The following EYS variants were observed in gnomAD, a reference collection of about 807,000 sequenced individuals.
EYS encodes the protein EGF-like photoreceptor maintenance factor, also known as protein eyes shut homolog.
Under a neutral mutation model 282.1 loss-of-function variants are expected in EYS, and 250 were observed. The ratio of observed to expected loss-of-function variants is 0.89; its 90% CI spans 0.80 to 0.98. The LOEUF is 0.98. EYS is among the 50% of genes least tolerant of loss of function. EYS has a pLI of 0.00. For synonymous variants in EYS, 1,355 were observed against 1,282.9 expected (o/e 1.06, Z -1.20); for missense variants, 4,016 against 3,709.0 (o/e 1.08, Z -2.15).
At chr6:65,022,308 A>G (rs1772273410) in intron 13 of EYS, among the ~76,000 whole-genome samples, 1 of 152,222 alleles carries the variant, frequency 6.6e-6, no homozygotes, top group Non-Finnish European at 1.5e-5. Flanking sequence ...AAAGAGGCAT[A>G]TTATGCCAGT....
intron 15 of EYS, among the ~76,000 whole-genome samples, chr6:64,942,195 T>C (rs1454003227): frequency 2.0e-5 from 3 of 151,218 alleles, no homozygotes; most frequent in Non-Finnish European, 4.4e-5. Context: ...TTGATTTGGA[T>C]TTCTCTGATT....
intron 30 of EYS, among the ~76,000 whole-genome samples, chr6:64,276,698 GGTCCTGAAATACTGAA>G (rs1433624796): frequency 6.6e-6 from 1 of 152,064 alleles, no homozygotes; most frequent in African/African-American, 2.4e-5. Flanking sequence ...CAGTATTCAA[GGTCCTGAAATACTGAA>G]ATAAAATTGG....
At chr6:64,320,979 A>C (rs1397985443) in intron 29 of EYS, among the ~76,000 whole-genome samples, 1 of 151,828 alleles carries the variant, frequency 6.6e-6, no homozygotes, top group African/African-American at 2.4e-5. Context: ...AACAGTTTCC[A>C]GTACCAAACC....
intron 36 of EYS, among the ~76,000 whole-genome samples, chr6:63,862,090 T>C (rs1772549414): frequency 6.6e-6 from 1 of 152,170 alleles, no homozygotes; most frequent in Non-Finnish European, 1.5e-5. Flanking sequence ...CCATACTCCT[T>C]ATTCTTTAGG....
intron 26 of EYS, among the ~76,000 whole-genome samples, chr6:64,517,303 G>A (rs946232250): frequency 1.3e-5 from 2 of 151,756 alleles, no homozygotes; most frequent in African/African-American, 4.8e-5. Context: ...GACAGCTTGA[G>A]GGATGTCTAA....
intron 12 of EYS, among the ~76,000 whole-genome samples, chr6:65,143,141 G>GAGAA (rs1427875850): frequency 6.6e-6 from 1 of 151,898 alleles, no homozygotes; most frequent in Non-Finnish European, 1.5e-5. Context: ...CCACACACCC[G>GAGAA]AGAATGAATC....
intron 41 of EYS, among the ~76,000 whole-genome samples, chr6:63,755,463 G>T (rs1395690873): frequency 2.6e-5 from 4 of 152,082 alleles, no homozygotes; most frequent in Admixed American, 2.6e-4. Flanking sequence ...TATTTCTGAG[G>T]CCTCTGTTCT....
At chr6:64,726,112 C>G (rs995259294) in intron 22 of EYS, among the ~76,000 whole-genome samples, 1 of 149,160 alleles carries the variant, frequency 6.7e-6, no homozygotes, top group Admixed American at 6.9e-5. Context: ...TATAAGTTGT[C>G]TTTCATCTTC....
chr6:65,216,425 C>G (rs1766316282), intron 12 of EYS, among the ~76,000 whole-genome samples: 1 of 151,752 alleles, frequency 6.6e-6, no homozygotes, highest in African/African-American at 2.4e-5. Flanking sequence ...TAAAATGATA[C>G]AAATTGTATT....
intron 14 of EYS, among the ~76,000 whole-genome samples, chr6:64,953,132 T>C (rs1241741211): frequency 6.6e-6 from 1 of 151,876 alleles, no homozygotes; most frequent in Admixed American, 6.6e-5. Context: ...AAAATCCCCA[T>C]TGAAAGAAAA....
At chr6:64,850,112 T>C (rs1765836695) in intron 19 of EYS, among the ~76,000 whole-genome samples, 2 of 152,192 alleles carry the variant, frequency 1.3e-5, no homozygotes, top group African/African-American at 4.8e-5. Flanking sequence ...TTGTTGGTAG[T>C]AGTAGAAGAG....
intron 29 of EYS, among the ~76,000 whole-genome samples, chr6:64,308,903 G>T (rs1444728166): frequency 6.6e-6 from 1 of 152,092 alleles, no homozygotes; most frequent in African/African-American, 2.4e-5. Context: ...GCTTTTATAT[G>T]CTGCAGTTGG....
At chr6:65,370,450 T>G (rs913063461) in intron 8 of EYS, among the ~76,000 whole-genome samples, 1 of 151,246 alleles carries the variant, frequency 6.6e-6, no homozygotes, top group Admixed American at 6.8e-5. Context: ...AAATTGCATC[T>G]CATGATGTAT....
chr6:65,152,645 T>C (rs1561993195), intron 12 of EYS, among the ~76,000 whole-genome samples: 1 of 151,908 alleles, frequency 6.6e-6, no homozygotes, highest in Non-Finnish European at 1.5e-5. Flanking sequence ...AGCCATTAGT[T>C]TGTGGTATTT....
intron 14 of EYS, among the ~76,000 whole-genome samples, chr6:64,967,959 T>A (rs4710512): frequency 0.017 from 2,547 of 152,288 alleles, 154 homozygotes; most frequent in Admixed American, 0.13. Context: ...CAGTTCATCT[T>A]TGTAGTCCCA....
chr6:64,676,728 A>C (rs777425970), intron 22 of EYS, among the ~76,000 whole-genome samples: 46 of 152,114 alleles, frequency 3.0e-4, no homozygotes, highest in Non-Finnish European at 5.3e-4. Context: ...AGGCGTCAGC[A>C]GACTCAGTGT....
At position 64,874,467 on chromosome 6, in the gene EYS, G is replaced by T. The variant is rs895008345; in HGVS notation, c.2992+12230C>A. Among the ~76,000 whole-genome samples the T allele has an allele frequency of 7.0e-4, 107 of 152,094 alleles. 1 individual carries two copies. The highest frequency in any genetic ancestry group is 3.9e-4 in the Admixed American group (6 of 15,244). ...CAGTATGCTCCATACCTGGGCTTTG[G>T]GCACCTTCACTGGATTCCTTCCTGT... On this transcript the variant is annotated intron_variant, in intron 19 of 42. Transcript: ENST00000503581.
At chr6:64,099,202 C>G (rs1772740129) in intron 31 of EYS, among the ~76,000 whole-genome samples, 3 of 152,044 alleles carry the variant, frequency 2.0e-5, no homozygotes, top group Non-Finnish European at 4.4e-5. Flanking sequence ...CATTTTTCCC[C>G]CTTTGGTATG....
chr6:64,121,679 A>C (rs1214130529), intron 31 of EYS, among the ~76,000 whole-genome samples: 1 of 152,108 alleles, frequency 6.6e-6, no homozygotes, highest in African/African-American at 2.4e-5. Flanking sequence ...ATCTTCTGCA[A>C]TTTTCTAATT....
Sources: allele counts gnomAD v4.1 joint callset (sites outside exome capture counted in the v4.1 genomes callset), GRCh38; gene constraint gnomAD v4.1.1; transcripts MANE v1.5; gene names NCBI Gene and HGNC (gene_info 2026-07-23, HGNC 2026-07-21).